The following SPTB variants were observed in gnomAD, a reference collection of about 807,000 sequenced individuals.
SPTB encodes the protein spectrin beta, erythrocytic.
Under a neutral mutation model 256.2 loss-of-function variants are expected in SPTB, and 45 were observed. That is an observed-to-expected ratio of 0.18 (90% CI 0.14 to 0.23). The LOEUF is 0.23. Among genes scored for constraint, SPTB ranks in the 10% least tolerant of loss-of-function variants. The pLI is 1.00. For missense variants in SPTB, 2,715 were observed against 3,040.4 expected (o/e 0.89, Z 2.52); for synonymous variants, 1,231 against 1,243.1 (o/e 0.99, Z 0.21).
chr14:64,863,806 A>T (rs1028439956), intron 1 of SPTB, among the ~76,000 whole-genome samples: 2 of 152,240 alleles, frequency 1.3e-5, no homozygotes, highest in African/African-American at 4.8e-5. Flanking sequence ...TTTTGGGTCA[A>T]GTAGATCTGG....
Position 64,785,915 on chromosome 14 carries a change from G to C in SPTB, c.3598C>G (p.Leu1200Val). 6.2e-7 allele frequency: 1 copy of C among 1,614,112 alleles called. No homozygotes were observed. Among genetic ancestry groups the C allele is most frequent in the Admixed American group, 1.7e-5 (1 of 60,028 alleles). Reference protein sequence around the residue: ...TLAHLEPPDSLEAAEAGIRKF... With the variant: ...TLAHLEPPDSVEAAEAGIRKF... ...CGGATCCCAGCCTCTGCAGCTTCCA[G>C]GGAGTCTGGGGGCTCCAAGTGAGCC... The change falls in exon 17 of 36, where the codon CTG (leucine) becomes GTG (valine). Residue 1200 changes from leucine (L) to valine (V), a missense_variant. By Grantham distance (32) the Leu-to-Val change is conservative. Around this residue, in one of 4 missense-constraint regions of SPTB, gnomAD observed 2,239 missense variants for 2,384.4 expected, o/e 0.94. Transcript: ENST00000644917. The surrounding 1 kb of genome is among the most constrained non-coding windows in gnomAD (Gnocchi z 4.4).
chr14:64,755,268 C>T (rs2082004467), intron 32 of SPTB: 1 of 152,228 alleles, frequency 6.6e-6, no homozygotes, highest in Admixed American at 6.5e-5. Flanking sequence ...CCATGTTGGA[C>T]ATCAGATCGA....
At chr14:64,767,612 G>A (rs1363840133) in intron 30 of SPTB, 51 bp downstream of exon 30, 1 of 1,606,588 alleles carries the variant, frequency 6.2e-7, no homozygotes, top group Non-Finnish European at 8.5e-7. Context: ...TGAGACCCCT[G>A]GGGGCACAGT....
chr14:64,785,852 G>A lies in SPTB; in HGVS notation c.3661C>T (p.Arg1221Trp), dbSNP rs1381051370. 1.2e-5 allele frequency: 19 copies of A among 1,613,930 alleles called. No homozygotes were observed. The highest frequency in any genetic ancestry group is 2.2e-5 in the South Asian group (2 of 91,080). ...TCCACAGGACTCAAGACCTTATCCC[G>A]GTTGTTCTCCATAGACCCCAAGAAA... ...EDFLGSMENNRDKVLSPVDSG... is the reference protein window; with the variant it reads ...EDFLGSMENNWDKVLSPVDSG... Residue 1221 changes from arginine to tryptophan, a missense_variant, in exon 17 of 36, where the codon CGG becomes TGG. Physicochemically the swap from Arg to Trp is moderately radical, Grantham distance 101. Transcript: ENST00000644917. This position sits in a 1 kb window ranked among gnomAD's most constrained non-coding sequence, Gnocchi z 4.4.
chr14:64,837,583 A>G (rs967245921), intron 1 of SPTB, among the ~76,000 whole-genome samples: 9 of 152,188 alleles, frequency 5.9e-5, no homozygotes, highest in African/African-American at 2.2e-4. Context: ...TGAGAAATCA[A>G]CAAGCTGATT....
rs2082199019 is a variant in SPTB at position 64,767,192 on chromosome 14, A to G, written c.6269+111T>C. On this transcript the variant is annotated intron_variant, in intron 31 of 35. Coordinates refer to ENST00000644917, the MANE Select transcript of SPTB (RefSeq NM_001355436.2). ...CTGGGCCTTCCTGACGAGGGTGCCC[A>G]GTGTGAGAAGTCAAATGCAACTGGT... 5.1e-6 allele frequency: 7 copies of G among 1,382,354 alleles called. No individual in the cohort carries two copies. In the Admixed American group the frequency reaches 1.2e-4, roughly 23 times the overall value. The allele number at this position is 1,382,354 out of a possible 1,614,324, so 85.6% of individuals were successfully genotyped here. A position where few individuals can be genotyped will look rare whatever the true frequency, so the allele number is the denominator to read the frequency against.
chr14:64,757,234 G>C (rs1036076288), intron 32 of SPTB: 6 of 152,214 alleles, frequency 3.9e-5, no homozygotes, highest in African/African-American at 1.4e-4. Context: ...GCTCTCCTGG[G>C]ATTGGTTTTA....
At position 64,759,901 on chromosome 14, in the gene SPTB, G is replaced by GA. The variant is rs2082068709; in HGVS notation, c.6346-6109_6346-6108insT. On this transcript the variant is annotated intron_variant, in intron 32 of 35. Coordinates refer to ENST00000644917, the MANE Select transcript of SPTB (RefSeq NM_001355436.2). The surrounding 1 kb of genome is among the most constrained non-coding windows in gnomAD (Gnocchi z 4.8). ...GGAGGTGAAGGAGAATTGCAGAGTG[G>GA]GCTGAATAAGGGAAGGCACTGCCTT... 6.6e-6 allele frequency among the ~76,000 whole-genome samples: 1 copy of GA among 152,200 alleles called. No homozygotes were observed. The highest frequency in any genetic ancestry group is 2.1e-4 in the South Asian group (1 of 4,832).
At chr14:64,794,347 T>C in intron 13 of SPTB, 120 bp downstream of exon 13, 2 of 1,366,410 alleles carry the variant, frequency 1.5e-6, no homozygotes, top group Non-Finnish European at 1.0e-6. Flanking sequence ...GGACCATTAC[T>C]TGATGAAAGT....
chr14:64,768,067 G>A, intron 29 of SPTB: 1 of 628,080 alleles, frequency 1.6e-6, no homozygotes, highest in South Asian at 1.8e-5. Context: ...TTAGAGGGAG[G>A]GCTTCAATCT....
chr14:64,770,380 G>A (rs1324369460), intron 27 of SPTB, among the ~76,000 whole-genome samples: 1 of 152,204 alleles, frequency 6.6e-6, no homozygotes, highest in African/African-American at 2.4e-5. Flanking sequence ...CAATAGGATG[G>A]AGATGGATCA....
At position 64,825,790 on chromosome 14, in the gene SPTB, C is replaced by A. The variant is rs1037998427; in HGVS notation, c.-51-2645G>T. 6.6e-6 allele frequency among the ~76,000 whole-genome samples: 1 copy of A among 152,232 alleles called. No individual in the cohort carries two copies. Among genetic ancestry groups the A allele is most frequent in the African/African-American group, 2.4e-5 (1 of 41,464 alleles). ...AGATGAGCCTGAGCAGGCCGACCAGCAGGCCCAGCGTTCAAGACAAGATTG... is the reference window on the plus strand; with the variant it reads ...AGATGAGCCTGAGCAGGCCGACCAGAAGGCCCAGCGTTCAAGACAAGATTG... On this transcript the variant is annotated intron_variant, in intron 1 of 35. Coordinates refer to ENST00000644917, the MANE Select transcript of SPTB (RefSeq NM_001355436.2). This position sits in a 1 kb window ranked among gnomAD's most constrained non-coding sequence, Gnocchi z 4.8.
In SPTB at chr14:64,758,809, C is replaced by T. The variant is rs1180480833; in HGVS notation, c.6346-5016G>A. Among the ~76,000 whole-genome samples the T allele has an allele frequency of 1.3e-5, 2 of 152,112 alleles. No homozygotes were observed. Among genetic ancestry groups the T allele is most frequent in the African/African-American group, 4.8e-5 (2 of 41,422 alleles). ...GGGGAGGAGGGGTGTGGGAGCCTGA[C>T]ACAGCCCTGCAAGTATGTGAGTGTG... On this transcript the variant is annotated intron_variant, in intron 32 of 35. Transcript: ENST00000644917. This position sits in a 1 kb window ranked among gnomAD's most constrained non-coding sequence, Gnocchi z 4.6.
At chr14:64,849,784 A>G (rs778176998) in intron 1 of SPTB, among the ~76,000 whole-genome samples, 2 of 152,220 alleles carry the variant, frequency 1.3e-5, no homozygotes, top group Non-Finnish European at 2.9e-5. Context: ...AAGAGGGGCT[A>G]TGTGGCTACT....
At chr14:64,865,150 G>A (rs1882089972) in intron 1 of SPTB, among the ~76,000 whole-genome samples, 1 of 151,984 alleles carries the variant, frequency 6.6e-6, no homozygotes, top group African/African-American at 2.4e-5. Flanking sequence ...TCACATTTCA[G>A]TGAGAAAGCA....
intron 20 of SPTB, among the ~76,000 whole-genome samples, chr14:64,780,614 T>C (rs2082452394): frequency 6.6e-6 from 1 of 152,182 alleles, no homozygotes; most frequent in African/African-American, 2.4e-5. Context: ...GGTTTCTCCA[T>C]GTTGGTCAGG....
At position 64,746,804 on chromosome 14, in the gene SPTB, A is replaced by T. The variant is rs906059042; in HGVS notation, c.*2502T>A. ...GGAGCTTCCTCTAAACTGCCCTGGGAAGGAAGCCTGGTATGCTGGTGTGGA... is the reference window on the plus strand; with the variant it reads ...GGAGCTTCCTCTAAACTGCCCTGGGTAGGAAGCCTGGTATGCTGGTGTGGA... On this transcript the variant is annotated 3_prime_UTR_variant, in exon 36 of 36. Coordinates refer to ENST00000644917, the MANE Select transcript of SPTB (RefSeq NM_001355436.2). The surrounding 1 kb of genome is among the most constrained non-coding windows in gnomAD (Gnocchi z 4.9). 6.6e-6 allele frequency: 1 copy of T among 152,586 alleles called. No individual in the cohort carries two copies. The highest frequency in any genetic ancestry group is 1.5e-5 in the Non-Finnish European group (1 of 68,114). 9.5% of individuals were successfully genotyped at this position (152,586 alleles called of 1,614,324 possible).
chr14:64,759,337 C>T lies in SPTB; in HGVS notation c.6346-5544G>A, dbSNP rs970395468. Among the ~76,000 whole-genome samples the T allele has an allele frequency of 7.9e-5, 12 of 152,212 alleles. No individual in the cohort carries two copies. Among genetic ancestry groups the T allele is most frequent in the Admixed American group, 7.2e-4 (11 of 15,290 alleles). On this transcript the variant is annotated intron_variant, in intron 32 of 35. Coordinates refer to ENST00000644917, the MANE Select transcript of SPTB (RefSeq NM_001355436.2). The surrounding 1 kb of genome is among the most constrained non-coding windows in gnomAD (Gnocchi z 4.8). ...TGGGAGGCCTGTGGCCCTGTTGGAT[C>T]AGTCCTGCCTCTTTCTAGGCCAGAT...
At chr14:64,769,841 C>G in intron 27 of SPTB, 113 bp from the exon 28 acceptor site, 1 of 1,456,066 alleles carries the variant, frequency 6.9e-7, no homozygotes, top group South Asian at 1.2e-5. Flanking sequence ...GACCGTGCTC[C>G]CTCCTCTCTC....
Sources: allele counts gnomAD v4.1 joint callset (sites outside exome capture counted in the v4.1 genomes callset), GRCh38; gene constraint gnomAD v4.1.1; regional missense constraint gnomAD v4.1.1; non-coding constraint Gnocchi (gnomAD v3.1); transcripts MANE v1.5; gene names NCBI Gene and HGNC (gene_info 2026-07-23, HGNC 2026-07-21).